Variants in SLC15A5 observed in about 807,000 individuals in gnomAD.
SLC15A5 encodes the protein solute carrier family 15 member 5, also known as Peptide/histidine transporter ENSP00000340402.
SLC15A5 carries 58 observed loss-of-function variants against 56.1 expected under a neutral mutation model. The observed-to-expected ratio is 1.03, with a 90% CI of 0.84 to 1.29. SLC15A5 has a LOEUF of 1.29. SLC15A5 is among the 50% of genes most tolerant of loss of function. The pLI is 0.00. For synonymous variants in SLC15A5, 264 were observed against 250.5 expected (o/e 1.05, Z -0.51); for missense variants, 681 against 672.1 (o/e 1.01, Z -0.15).
chr12:16,200,495 G>A (rs577369694), intron 7 of SLC15A5, among the ~76,000 whole-genome samples: 1 of 152,006 alleles, frequency 6.6e-6, no homozygotes, highest in South Asian at 2.1e-4. Flanking sequence ...AAGAGATGTA[G>A]AGAATTAAAT....
intron 3 of SLC15A5, among the ~76,000 whole-genome samples, chr12:16,250,670 G>A (rs1043812663): frequency 6.6e-6 from 1 of 151,836 alleles, no homozygotes; most frequent in African/African-American, 2.4e-5. Flanking sequence ...GGATAAGTTG[G>A]TAATAATATG....
chr12:16,227,415 A>T (rs1017892024), intron 5 of SLC15A5, among the ~76,000 whole-genome samples: 2 of 152,150 alleles, frequency 1.3e-5, no homozygotes, highest in Non-Finnish European at 2.9e-5. Context: ...ACCGTGGGGG[A>T]TAAAAGATGA....
chr12:16,193,854 T>G (rs2136237305), intron 8 of SLC15A5, among the ~76,000 whole-genome samples: 4 of 130,754 alleles, frequency 3.1e-5, no homozygotes, highest in Admixed American at 8.2e-5. Context: ...AGGCTGGCAA[T>G]GGATGGGTGG....
chr12:16,240,822 A>AT (rs201641348), intron 4 of SLC15A5, among the ~76,000 whole-genome samples: 9,320 of 151,084 alleles, frequency 0.062, 488 homozygotes, highest in African/African-American at 0.14. Flanking sequence ...TTTTATTTTT[A>AT]TTTTTTTTGA....
intron 1 of SLC15A5, among the ~76,000 whole-genome samples, chr12:16,276,201 C>G (rs963860956): frequency 3.9e-5 from 6 of 151,972 alleles, no homozygotes; most frequent in Non-Finnish European, 8.8e-5. Context: ...AGAACTAAAG[C>G]TGTGAAGTTT....
intron 5 of SLC15A5, among the ~76,000 whole-genome samples, chr12:16,227,619 T>A (rs1329622927): frequency 6.6e-6 from 1 of 152,166 alleles, no homozygotes; most frequent in Non-Finnish European, 1.5e-5. Flanking sequence ...ATTTTCAGGA[T>A]GATGAGACGT....
chr12:16,269,959 C>A lies in SLC15A5; in HGVS notation c.584+2602G>T, dbSNP rs1864733481. ...TTTACCTAGGTGATCTCCAGTATGG[C>A]GATTCTTAATTGTCCATCTCAGCTT... On this transcript the variant is annotated intron_variant, in intron 2 of 8. Transcript: ENST00000344941. The surrounding 1 kb of genome is among the most constrained non-coding windows in gnomAD (Gnocchi z 4.7). 1.3e-5 allele frequency among the ~76,000 whole-genome samples: 2 copies of A among 152,104 alleles called. No individual in the cohort carries two copies. Among genetic ancestry groups the A allele is most frequent in the African/African-American group, 4.8e-5 (2 of 41,418 alleles).
chr12:16,221,993 C>G (rs1312563896), intron 6 of SLC15A5, among the ~76,000 whole-genome samples: 2 of 151,930 alleles, frequency 1.3e-5, no homozygotes, highest in African/African-American at 4.8e-5. Context: ...GAACAGGACA[C>G]CTGTGCTTCT....
chr12:16,254,228 AAATAAT>A (rs1328289506), intron 3 of SLC15A5, among the ~76,000 whole-genome samples: 1 of 152,034 alleles, frequency 6.6e-6, no homozygotes, highest in African/African-American at 2.4e-5. Flanking sequence ...CCTGTCTTTG[AAATAAT>A]AATAATAATA....
rs1339185766 is a variant in SLC15A5 at position 16,269,964 on chromosome 12, C to CTTAA, written c.584+2593_584+2596dup. Among the ~76,000 whole-genome samples, 1 of 152,154 alleles carries CTTAA rather than the reference C, an allele frequency of 6.6e-6. No individual in the cohort carries two copies. Among genetic ancestry groups the CTTAA allele is most frequent in the Non-Finnish European group, 1.5e-5 (1 of 68,024 alleles). On this transcript the variant is annotated intron_variant, in intron 2 of 8. Transcript: ENST00000344941. This position sits in a 1 kb window ranked among gnomAD's most constrained non-coding sequence, Gnocchi z 4.7. ...CTAGGTGATCTCCAGTATGGCGATT[C>CTTAA]TTAATTGTCCATCTCAGCTTTTGGA... is the stretch of plus-strand genomic sequence containing the variant.
At chr12:16,244,408 C>A (rs878903949) in intron 4 of SLC15A5, among the ~76,000 whole-genome samples, 172 bp downstream of exon 4, 1 of 152,184 alleles carries the variant, frequency 6.6e-6, no homozygotes, top group Non-Finnish European at 1.5e-5. Context: ...CTCTGCCTGA[C>A]CCCGCTTAGC....
At chr12:16,224,912 G>A (rs1221249221) in intron 5 of SLC15A5, among the ~76,000 whole-genome samples, 2 of 132,516 alleles carry the variant, frequency 1.5e-5, no homozygotes, top group Non-Finnish European at 3.1e-5. Flanking sequence ...GGTGTGTGAT[G>A]TTCCCCTTCC....
chr12:16,247,043 CATAAG>C (rs1338192758), intron 3 of SLC15A5, among the ~76,000 whole-genome samples: 2 of 152,096 alleles, frequency 1.3e-5, no homozygotes, highest in Non-Finnish European at 2.9e-5. Context: ...ATTCAACAGA[CATAAG>C]ATGTCACTGT....
intron 1 of SLC15A5, among the ~76,000 whole-genome samples, chr12:16,273,467 G>A (rs1405510): frequency 0.28 from 42,069 of 151,836 alleles, 7,308 homozygotes; most frequent in African/African-American, 0.48. Context: ...CCACCTTGCA[G>A]GGACCACACT....
At chr12:16,198,496 C>T (rs61915889) in intron 7 of SLC15A5, among the ~76,000 whole-genome samples, 4,537 of 152,238 alleles carry the variant, frequency 0.03, 83 homozygotes, top group Admixed American at 0.041. Context: ...TGAAACATCA[C>T]TCAGCAGAAC....
chr12:16,259,129 T>C (rs1281576480), intron 2 of SLC15A5, among the ~76,000 whole-genome samples: 1 of 142,966 alleles, frequency 7.0e-6, no homozygotes, highest in African/African-American at 2.6e-5. Flanking sequence ...CCTCCCAGGC[T>C]GAAGGAATCC....
intron 2 of SLC15A5, among the ~76,000 whole-genome samples, chr12:16,266,605 T>G (rs1230996785): frequency 2.0e-5 from 3 of 152,172 alleles, no homozygotes; most frequent in Non-Finnish European, 4.4e-5. Context: ...TGTTGATCCA[T>G]GGACAGGACA....
At chr12:16,220,633 A>G (rs559729630) in intron 6 of SLC15A5, among the ~76,000 whole-genome samples, 1 of 152,340 alleles carries the variant, frequency 6.6e-6, no homozygotes, top group Admixed American at 6.5e-5. Flanking sequence ...TTCATACCAC[A>G]ATGACATAGT....
At chr12:16,198,001 G>T (rs1863912034) in intron 7 of SLC15A5, among the ~76,000 whole-genome samples, 1 of 152,062 alleles carries the variant, frequency 6.6e-6, no homozygotes, top group African/African-American at 2.4e-5. Context: ...TCTCCAGATC[G>T]CAGGATAGCT....
Sources: allele counts gnomAD v4.1 joint callset (sites outside exome capture counted in the v4.1 genomes callset), GRCh38; gene constraint gnomAD v4.1.1; non-coding constraint Gnocchi (gnomAD v3.1); transcripts MANE v1.5; gene names NCBI Gene and HGNC (gene_info 2026-07-23, HGNC 2026-07-21).